SMG7: variants seen among roughly 807,000 people sequenced by gnomAD.
The protein encoded by SMG7 is SMG7 nonsense mediated mRNA decay factor.
A neutral mutation model predicts 148.2 loss-of-function variants in SMG7; 34 were observed. The ratio of observed to expected loss-of-function variants is 0.23; its 90% CI spans 0.17 to 0.31. The LOEUF (loss-of-function observed/expected upper bound fraction) is 0.31, where lower values mean the gene tolerates loss of function less well. SMG7 is among the 10% of genes least tolerant of loss of function. SMG7 has a pLI of 1.00. For missense variants in SMG7, 1,114 were observed against 1,408.4 expected (o/e 0.79, Z 3.35); for synonymous variants, 492 against 515.1 (o/e 0.96, Z 0.61).
At chr1:183,500,267 G>A (rs943584101) in intron 1 of SMG7, among the ~76,000 whole-genome samples, 1 of 152,040 alleles carries the variant, frequency 6.6e-6, no homozygotes, top group East Asian at 1.9e-4. Context: ...ATTCCACTAC[G>A]ATGAAAACAA....
intron 1 of SMG7, among the ~76,000 whole-genome samples, chr1:183,496,427 T>C (rs1292548698): frequency 6.6e-6 from 1 of 152,222 alleles, no homozygotes; most frequent in Non-Finnish European, 1.5e-5. Context: ...GACCTTTACA[T>C]CTCTCTGTAG....
chr1:183,486,472 GC>G (rs1655443786), intron 1 of SMG7, among the ~76,000 whole-genome samples: 1 of 152,158 alleles, frequency 6.6e-6, no homozygotes, highest in African/African-American at 2.4e-5. Context: ...GTGCAGTGGT[GC>G]CATCTCGGCT....
In SMG7 at chr1:183,551,037, T is replaced by C. The variant is rs1670955364; in HGVS notation, c.3305-8T>C. ...CTTGAATTTTTCTTATCTCTTTTCA[T>C]CCCTTAGCCATGGGTGGGTTTGGCA... On this transcript the variant is annotated splice_polypyrimidine_tract_variant and splice_region_variant and intron_variant, in intron 21 of 22. Transcript: ENST00000688051. 1.9e-6 allele frequency: 3 copies of C among 1,614,090 alleles called. No homozygotes were observed. In the Middle Eastern group the frequency reaches 5.0e-4, roughly 267 times the overall value.
intron 1 of SMG7, among the ~76,000 whole-genome samples, chr1:183,511,688 G>C (rs180939301): frequency 1.1e-4 from 17 of 152,180 alleles, no homozygotes; most frequent in Non-Finnish European, 2.1e-4. Flanking sequence ...TGATAGATCA[G>C]ATTTGCATTT....
rs907528773 is a variant in SMG7 at position 183,473,964 on chromosome 1, A to G, written c.29+1315A>G. 12 of 675,752 alleles carry G rather than the reference A, an allele frequency of 1.8e-5. No individual in the cohort carries two copies. The South Asian group carries it at 7.2e-4, about 41-fold the overall frequency. The allele number at this position is 675,752 out of a possible 1,614,324, so 41.9% of individuals were successfully genotyped here. On this transcript the variant is annotated intron_variant, in intron 1 of 22. Coordinates refer to ENST00000688051, the MANE Select transcript of SMG7 (RefSeq NM_001375584.1). ...TTAAAGTAGTAAAGTTTTATTAAGC[A>G]TAATAGGGAGAGAAGAGAATGATGA...
chr1:183,487,082 C>A (rs1398002540), intron 1 of SMG7, among the ~76,000 whole-genome samples: 1 of 152,154 alleles, frequency 6.6e-6, no homozygotes, highest in Non-Finnish European at 1.5e-5. Context: ...TTTCCTTTTC[C>A]TGCTCTAACA....
chr1:183,516,517 CTATA>C (rs1663584686), intron 3 of SMG7, among the ~76,000 whole-genome samples: 1 of 152,122 alleles, frequency 6.6e-6, no homozygotes, highest in Non-Finnish European at 1.5e-5. Context: ...CTTCTTCTTT[CTATA>C]AGGGGCAAAA....
rs140958269 is a variant in SMG7 at position 183,497,494 on chromosome 1, T to C, written c.30-15343T>C. Among the ~76,000 whole-genome samples the C allele has an allele frequency of 7.9e-5, 12 of 152,334 alleles. No individual in the cohort carries two copies. In the East Asian group the frequency reaches 2.1e-3, roughly 27 times the overall value. On this transcript the variant is annotated intron_variant, in intron 1 of 22. Transcript: ENST00000688051. ...CAAATGCCAAGAGGTGTGTGATTCA[T>C]TGGGGGCAGTTAATAATGTATCACA... is the stretch of plus-strand genomic sequence containing the variant.
chr1:183,539,583 G>A (rs1422155612), intron 12 of SMG7, among the ~76,000 whole-genome samples: 2 of 152,040 alleles, frequency 1.3e-5, no homozygotes, highest in Non-Finnish European at 2.9e-5. Context: ...CCTCCCTTAC[G>A]CATTTTAAAC....
chr1:183,493,616 C>G (rs1298370923), intron 1 of SMG7, among the ~76,000 whole-genome samples: 2 of 152,148 alleles, frequency 1.3e-5, no homozygotes, highest in Admixed American at 6.6e-5. Flanking sequence ...GAGTCTTGCT[C>G]TGTCACCCAG....
chr1:183,544,442 C>G lies in SMG7; in HGVS notation c.1932C>G (p.Ser644=). Residue 644 remains serine, a synonymous_variant, in exon 15 of 23, where the codon TCC becomes TCG. Coordinates refer to ENST00000688051, the MANE Select transcript of SMG7 (RefSeq NM_001375584.1). ...AAACCCCAACTCAAGCAAGTAACTC[C>G]CAGTTCATCCCCATTCATCACCCTG... ...VTQTPTQASN[S]QFIPIHHPGA... is the part of the protein sequence containing the mutation. 6.2e-7 allele frequency: 1 copy of G among 1,613,936 alleles called. No individual in the cohort carries two copies. The highest frequency in any genetic ancestry group is 8.5e-7 in the Non-Finnish European group (1 of 1,179,886).
At chr1:183,491,953 G>A (rs982400796) in intron 1 of SMG7, among the ~76,000 whole-genome samples, 10 of 152,188 alleles carry the variant, frequency 6.6e-5, no homozygotes, top group African/African-American at 2.2e-4. Context: ...AAAAAAGGCC[G>A]TACCTAATTC....
At chr1:183,493,671 G>C (rs1479823164) in intron 1 of SMG7, among the ~76,000 whole-genome samples, 2 of 151,720 alleles carry the variant, frequency 1.3e-5, no homozygotes, top group Non-Finnish European at 2.9e-5. Flanking sequence ...AACCTCTGCC[G>C]CCCATGTTCA....
rs1045599688 is a variant in SMG7 at position 183,529,095 on chromosome 1, A to G, written c.707+53A>G. 6 of 1,511,544 alleles carry G rather than the reference A, an allele frequency of 4.0e-6. No homozygotes were observed. In the African/African-American group the frequency reaches 8.4e-5, roughly 21 times the overall value. 93.6% of individuals were successfully genotyped at this position (1,511,544 alleles called of 1,614,324 possible). On this transcript the variant is annotated intron_variant, in intron 7 of 22. Transcript: ENST00000688051. ...TTTCCAAGAGGACTTTGTAACCTGG[A>G]GCCTTAATTCCTCATAATTTGGTTT...
intron 1 of SMG7, among the ~76,000 whole-genome samples, chr1:183,505,018 TTTTTATA>T (rs1347632578): frequency 6.6e-6 from 1 of 152,080 alleles, no homozygotes; most frequent in Admixed American, 6.5e-5. Flanking sequence ...TATTTTTTAT[TTTTTATA>T]TTTTATATTT....
chr1:183,481,597 G>A (rs967744788), intron 1 of SMG7, among the ~76,000 whole-genome samples: 4 of 152,238 alleles, frequency 2.6e-5, no homozygotes, highest in Middle Eastern at 3.4e-3. Context: ...ACTATTTACC[G>A]TATGCCAGTG....
chr1:183,533,564 C>T, intron 9 of SMG7, 112 bp from the exon 10 acceptor site: 1 of 974,998 alleles, frequency 1.0e-6, no homozygotes, highest in Non-Finnish European at 1.5e-6. Flanking sequence ...TAGAAAGAAG[C>T]TGTAAGATAC....
intron 1 of SMG7, among the ~76,000 whole-genome samples, chr1:183,503,689 A>T (rs777497632): frequency 7.2e-5 from 11 of 152,196 alleles, no homozygotes; most frequent in African/African-American, 2.7e-4. Flanking sequence ...TAGCAAAAGT[A>T]ATTTGATGGT....
chr1:183,506,875 C>CTTTT (rs71130622), intron 1 of SMG7, among the ~76,000 whole-genome samples: 18 of 111,800 alleles, frequency 1.6e-4, no homozygotes, highest in East Asian at 5.3e-4. Flanking sequence ...ACTATATATT[C>CTTTT]TTTTTTTTTT....
Sources: gnomAD v4.1 joint callset for allele counts (sites outside exome capture counted in the v4.1 genomes callset) on GRCh38, gnomAD v4.1.1 for gene constraint, MANE v1.5 for transcripts, NCBI Gene and HGNC (gene_info 2026-07-23, HGNC 2026-07-21) for gene names.